Variants in BRD2 observed in about 807,000 individuals in gnomAD.
The protein encoded by BRD2 is bromodomain containing 2, also known as bromodomain-containing protein 2.
Under a neutral mutation model 79.1 loss-of-function variants are expected in BRD2, and 15 were observed. The ratio of observed to expected loss-of-function variants is 0.19; its 90% CI spans 0.13 to 0.29. The LOEUF (loss-of-function observed/expected upper bound fraction) is 0.29, where lower values mean the gene tolerates loss of function less well. Among genes scored for constraint, BRD2 ranks in the 10% least tolerant of loss-of-function variants. The pLI, the probability that BRD2 is intolerant of heterozygous loss-of-function variation, is 1.00. For synonymous variants in BRD2, 488 were observed against 358.6 expected (o/e 1.36, Z -4.08); for missense variants, 1,053 against 991.3 (o/e 1.06, Z -0.84).
intron 1 of BRD2, 29 bp downstream of exon 1, chr6:32,969,085 TGTCA>T (rs1777713789): frequency 6.4e-6 from 3 of 468,050 alleles, no homozygotes; most frequent in Admixed American, 6.8e-5. Flanking sequence ...GGGGCGGAGA[TGTCA>T]GTCAAGTGCT....
At chr6:32,975,205 T>G in intron 3 of BRD2, 179 bp from the exon 4 acceptor site, 1 of 1,272,162 alleles carries the variant, frequency 7.9e-7, no homozygotes, top group Middle Eastern at 2.1e-4. Context: ...TCAAGAATCT[T>G]TTTTATTTAT....
At chr6:32,974,440 A>C in intron 2 of BRD2, 22 bp from the exon 3 acceptor site, 1 of 1,597,814 alleles carries the variant, frequency 6.3e-7, no homozygotes, top group Middle Eastern at 1.7e-4. Context: ...ATATTGCCCT[A>C]ATTTTGTTCC....
At position 32,980,332 on chromosome 6, in the gene BRD2, C is replaced by T; in HGVS notation, c.2147-10C>T. ...AATCTTAATGTATCCTGATAAATTT[C>T]TTTCATTAGCCATTAAGAAGCCTGT... is the stretch of plus-strand genomic sequence containing the variant. On this transcript the variant is annotated splice_polypyrimidine_tract_variant and intron_variant, in intron 11 of 12. Coordinates refer to ENST00000374825, the MANE Select transcript of BRD2 (RefSeq NM_005104.4). 1.2e-6 allele frequency: 2 copies of T among 1,612,354 alleles called. No homozygotes were observed. Among genetic ancestry groups the T allele is most frequent in the Non-Finnish European group, 1.7e-6 (2 of 1,179,882 alleles).
At position 32,978,117 on chromosome 6, in the gene BRD2, T is replaced by A. The variant is rs749586936; in HGVS notation, c.1579-9T>A. On this transcript the variant is annotated splice_polypyrimidine_tract_variant and intron_variant, in intron 9 of 12. Coordinates refer to ENST00000374825, the MANE Select transcript of BRD2 (RefSeq NM_005104.4). Reference sequence around the variant, plus strand: ...TTACTTTTTCCACTTCATGTTTTTTTTCCTTTAGCTTCGGGCAGTACATGA... The same window carrying A: ...TTACTTTTTCCACTTCATGTTTTTTATCCTTTAGCTTCGGGCAGTACATGA... 6.3e-7 allele frequency: 1 copy of A among 1,593,934 alleles called. No homozygotes were observed. Among genetic ancestry groups the A allele is most frequent in the South Asian group, 1.1e-5 (1 of 87,568 alleles).
intron 10 of BRD2, 106 bp downstream of exon 10, chr6:32,978,494 A>C: frequency 1.3e-6 from 2 of 1,513,792 alleles, no homozygotes; most frequent in Non-Finnish European, 1.8e-6. Flanking sequence ...AACAGATACA[A>C]TAGGCTTTGA....
intron 7 of BRD2, 137 bp from the exon 8 acceptor site, chr6:32,977,304 CT>C (rs1444304963): frequency 6.3e-7 from 1 of 1,598,852 alleles, no homozygotes; most frequent in Non-Finnish European, 8.5e-7. Context: ...TGACTTCAAA[CT>C]TGAACCCCAG....
rs1409724793 is a variant in BRD2, at chr6:32,972,264, C to T, written c.-635C>T. The T allele has an allele frequency of 4.5e-6, 2 of 444,774 alleles. No homozygotes were observed. Among genetic ancestry groups the T allele is most frequent in the South Asian group, 2.1e-5 (1 of 48,688 alleles). 27.6% of individuals were successfully genotyped at this position (444,774 alleles called of 1,614,324 possible). A position where few individuals can be genotyped will look rare whatever the true frequency, so the allele number is the denominator to read the frequency against. ...GAGGATTCTGCCTACCGATACAGAG[C>T]CTTCGAGTCGTCCGGGGCCGCCATT... On this transcript the variant is annotated 5_prime_UTR_variant, in exon 2 of 13. Transcript: ENST00000374825.
rs111227999 is a variant in BRD2, at chr6:32,968,771, C to G, written c.-1590C>G. 4.9e-3 allele frequency: 759 copies of G among 154,486 alleles called. 5 individuals are homozygous for G. Among genetic ancestry groups the G allele is most frequent in the African/African-American group, 0.017 (688 of 41,486 alleles). 9.6% of individuals were successfully genotyped at this position (154,486 alleles called of 1,614,324 possible). On this transcript the variant is annotated 5_prime_UTR_variant, in exon 1 of 13. Transcript: ENST00000374825. ...CCCCCTTGGCCCCTTGGCGCGACCC[C>G]CAGGAACGTTCGGAAAGCTGGTCCT...
chr6:32,973,035 C>A (rs757656991), intron 2 of BRD2, 108 bp downstream of exon 2: 25 of 1,610,786 alleles, frequency 1.6e-5, no homozygotes, highest in East Asian at 2.2e-5. Flanking sequence ...GCTGCTGTTG[C>A]GGCGCAGCTG....
chr6:32,979,645 A>T (rs1031136590), intron 10 of BRD2, 183 bp from the exon 11 acceptor site: 2 of 394,068 alleles, frequency 5.1e-6, no homozygotes, highest in Non-Finnish European at 8.0e-6. Context: ...GCCTACTTAC[A>T]GTCGAGCAAA....
chr6:32,979,431 C>T, intron 10 of BRD2: 1 of 209,112 alleles, frequency 4.8e-6, no homozygotes, highest in Non-Finnish European at 9.7e-6. Context: ...GTCAGTATAC[C>T]TAAACAGGTA....
intron 7 of BRD2, 192 bp from the exon 8 acceptor site, chr6:32,977,250 C>A (rs1316895487): frequency 1.3e-6 from 2 of 1,539,456 alleles, no homozygotes; most frequent in East Asian, 4.8e-5. Context: ...GAAATGATTT[C>A]TTTTTCTAGA....
intron 4 of BRD2, 62 bp from the exon 5 acceptor site, chr6:32,975,969 G>C (rs1473872723): frequency 1.3e-6 from 2 of 1,531,194 alleles, no homozygotes; most frequent in Non-Finnish European, 1.8e-6. Flanking sequence ...GAGAAAGATG[G>C]TGTGTATCTA....
rs1255547292 is a variant in BRD2 at position 32,981,477 on chromosome 6, ATAAAG to A, written c.*764_*768del. The A allele has an allele frequency of 1.3e-5, 2 of 152,210 alleles. No homozygotes were observed. Among genetic ancestry groups the A allele is most frequent in the Non-Finnish European group, 2.9e-5 (2 of 68,038 alleles). 9.4% of individuals were successfully genotyped at this position (152,210 alleles called of 1,614,324 possible). A position where few individuals can be genotyped will look rare whatever the true frequency, so the allele number is the denominator to read the frequency against. The stretch of plus-strand genomic sequence containing the variant: ...CCAGTAGGCTTTTGCTGTGTTTTTA[ATAAAG>A]TAAATATGACTTTTGTAAATTGAGT... On this transcript the variant is annotated 3_prime_UTR_variant, in exon 13 of 13. Coordinates refer to ENST00000374825, the MANE Select transcript of BRD2 (RefSeq NM_005104.4).
At chr6:32,969,395 C>A (rs115570183) in intron 1 of BRD2, 1 of 715,598 alleles carries the variant, frequency 1.4e-6, no homozygotes, top group East Asian at 2.7e-5. Flanking sequence ...GGTGACCTGG[C>A]GGTGGGCTGA....
intron 2 of BRD2, among the ~76,000 whole-genome samples, 193 bp from the exon 3 acceptor site, chr6:32,974,269 T>C (rs1358354617): frequency 1.3e-5 from 2 of 152,142 alleles, no homozygotes; most frequent in Non-Finnish European, 2.9e-5. Flanking sequence ...ATACTAAAAA[T>C]ATTAATAAAA....
chr6:32,979,702 G>A, intron 10 of BRD2, 126 bp from the exon 11 acceptor site: 1 of 1,125,646 alleles, frequency 8.9e-7, no homozygotes, highest in Middle Eastern at 3.0e-4. Flanking sequence ...CCTCTTACTT[G>A]GCCATTGAAT....
chr6:32,980,830 C>G lies in BRD2; in HGVS notation c.*112C>G, dbSNP rs1049414. 1 of 1,268,720 alleles carries G rather than the reference C, an allele frequency of 7.9e-7. No individual in the cohort carries two copies. Among genetic ancestry groups the G allele is most frequent in the Non-Finnish European group, 1.1e-6 (1 of 905,904 alleles). 78.6% of individuals were successfully genotyped at this position (1,268,720 alleles called of 1,614,324 possible). A position where few individuals can be genotyped will look rare whatever the true frequency, so the allele number is the denominator to read the frequency against. On this transcript the variant is annotated 3_prime_UTR_variant, in exon 13 of 13. Coordinates refer to ENST00000374825, the MANE Select transcript of BRD2 (RefSeq NM_005104.4). ...GACACTTCTTCATCTCACCCCCCCC[C>G]GCCCCCCTCTAGGAGAGCTGGCTCT... is the stretch of plus-strand genomic sequence containing the variant.
intron 1 of BRD2, chr6:32,970,884 GGGA>G (rs1777883187): frequency 6.6e-6 from 1 of 152,338 alleles, no homozygotes; most frequent in Non-Finnish European, 1.5e-5. Context: ...AGGGGAGGAG[GGGA>G]GGAGGGGGAG....
Sources: gnomAD v4.1 joint callset for allele counts (sites outside exome capture counted in the v4.1 genomes callset) on GRCh38, gnomAD v4.1.1 for gene constraint, MANE v1.5 for transcripts, NCBI Gene and HGNC (gene_info 2026-07-23, HGNC 2026-07-21) for gene names.